Variants in NEB observed in about 807,000 individuals in gnomAD.
NEB encodes the protein nebulin, also known as nemaline myopathy type 2.
In NEB, 512 loss-of-function variants were observed where a neutral mutation model predicts 952.2. The observed-to-expected ratio is 0.54, with a 90% CI of 0.50 to 0.58. The LOEUF is 0.58. NEB is among the 20% of genes least tolerant of loss of function. NEB has a pLI of 0.00. For synonymous variants in NEB, 2,900 were observed against 3,149.8 expected (o/e 0.92, Z 2.66); for missense variants, 8,428 against 9,231.1 (o/e 0.91, Z 3.56).
rs760235100 is a variant in NEB, at chr2:151,518,441, A to C, written c.22696-19T>G. 6.8e-7 allele frequency: 1 copy of C among 1,463,924 alleles called. No homozygotes were observed. The highest frequency in any genetic ancestry group is 1.2e-5 in the South Asian group (1 of 86,678). 90.7% of individuals were successfully genotyped at this position (1,463,924 alleles called of 1,614,324 possible). On this transcript the variant is annotated intron_variant, in intron 155 of 181. Coordinates refer to ENST00000397345, the MANE Select transcript of NEB (RefSeq NM_001164508.2). ...ACTGGTACTGAGGGGAAGGCGGCAA[A>C]AAAGGCACATTGATGGAGAAGCTGC...
chr2:151,503,084 G>C (rs2065950248), intron 166 of NEB, 199 bp from the exon 167 acceptor site: 1 of 582,148 alleles, frequency 1.7e-6, no homozygotes. Flanking sequence ...AAAGTACAAT[G>C]GAAAGCATTA....
chr2:151,508,824 G>T (rs901271714), intron 161 of NEB, among the ~76,000 whole-genome samples: 10 of 152,244 alleles, frequency 6.6e-5, no homozygotes, highest in African/African-American at 1.9e-4. Context: ...TGGCTGGAGA[G>T]ACGTGTCCAT....
rs1213971667 is a variant in NEB, at chr2:151,565,538, A to G, written c.18329T>C (p.Ile6110Thr). ...GACAGAATTAATCTTGGCTAAAACA[A>G]TCTCTGGAGGATCCACCACACTTCT... The part of the protein sequence containing the change: ...NFRSVVDPPE[I>T]VLAKINSVNQ... The change falls in exon 116 of 182, where the codon ATT (isoleucine) becomes ACT (threonine). Residue 6110 changes from isoleucine (I) to threonine (T), a missense_variant. Transcript: ENST00000397345. 5.0e-6 allele frequency: 8 copies of G among 1,602,276 alleles called. No individual in the cohort carries two copies. The highest frequency in any genetic ancestry group is 2.2e-5 in the East Asian group (1 of 44,744).
At position 151,604,964 on chromosome 2, in the gene NEB, GC is replaced by G. The variant is rs2153941589; in HGVS notation, c.12748-94del. 2 of 525,886 alleles carry G rather than the reference GC, an allele frequency of 3.8e-6. 1 individual carries two copies. Among genetic ancestry groups the G allele is most frequent in the South Asian group, 4.4e-5 (2 of 45,194 alleles). The allele number at this position is 525,886 out of a possible 1,614,324, so 32.6% of individuals were successfully genotyped here. A position where few individuals can be genotyped will look rare whatever the true frequency, so the allele number is the denominator to read the frequency against. ...TAAATGGTTTCAGTATGTTTTCTTA[GC>G]CTTGGTATAAATTGGCTCAACATTG... is the stretch of plus-strand genomic sequence containing the variant. On this transcript the variant is annotated intron_variant, in intron 84 of 181. Coordinates refer to ENST00000397345, the MANE Select transcript of NEB (RefSeq NM_001164508.2).
At chr2:151,503,725 C>CT (rs1336415125) in intron 165 of NEB, among the ~76,000 whole-genome samples, 3 of 152,296 alleles carry the variant, frequency 2.0e-5, no homozygotes, top group African/African-American at 7.2e-5. Context: ...TGAGAAAAAT[C>CT]TAACCATTTT....
At position 151,630,597 on chromosome 2, in the gene NEB, G is replaced by A; in HGVS notation, c.9723+118C>T. On this transcript the variant is annotated intron_variant, in intron 67 of 181. Coordinates refer to ENST00000397345, the MANE Select transcript of NEB (RefSeq NM_001164508.2). ...TTAACCCAGAGATGAAAGGTTGGAT[G>A]AGTGGAGTGTTAAATGAAAGAGCCA... 6 of 724,634 alleles carry A rather than the reference G, an allele frequency of 8.3e-6. 1 individual carries two copies. The Middle Eastern group carries it at 1.2e-3, about 143-fold the overall frequency. The allele number at this position is 724,634 out of a possible 1,614,324, so 44.9% of individuals were successfully genotyped here.
intron 116 of NEB, 135 bp from the exon 117 acceptor site, chr2:151,565,283 A>C (rs903203560): frequency 6.0e-6 from 4 of 664,614 alleles, no homozygotes; most frequent in African/African-American, 3.6e-5. Flanking sequence ...ATTTTAGCTA[A>C]AACAATAGAA....
chr2:151,518,834 A>G (rs936471710), intron 155 of NEB, 131 bp downstream of exon 155: 1 of 636,340 alleles, frequency 1.6e-6, no homozygotes, highest in Non-Finnish European at 2.8e-6. Flanking sequence ...GGAAGAATAC[A>G]CTCAAATGAG....
rs1271386679 is a variant in NEB at position 151,592,155 on chromosome 2, A to G, written c.14722-17T>C. ...ATACAATGGCTGGGAAAAATGAAAAACGATGGAATGGTCAATTAGTAAATA... is the reference window on the plus strand; with the variant it reads ...ATACAATGGCTGGGAAAAATGAAAAGCGATGGAATGGTCAATTAGTAAATA... On this transcript the variant is annotated splice_polypyrimidine_tract_variant and intron_variant, in intron 94 of 181. Coordinates refer to ENST00000397345, the MANE Select transcript of NEB (RefSeq NM_001164508.2). 4 of 1,549,504 alleles carry G rather than the reference A, an allele frequency of 2.6e-6. No homozygotes were observed. Among genetic ancestry groups the G allele is most frequent in the Non-Finnish European group, 3.5e-6 (4 of 1,146,720 alleles).
intron 107 of NEB, among the ~76,000 whole-genome samples, chr2:151,571,514 T>C (rs1006162102): frequency 1.3e-5 from 2 of 152,252 alleles, no homozygotes; most frequent in African/African-American, 4.8e-5. Context: ...ACCTTCAGAA[T>C]TGTAAACTTG....
At position 151,618,298 on chromosome 2, in the gene NEB, T is replaced by A. The variant is rs1172557507; in HGVS notation, c.11053A>T (p.Asn3685Tyr). 1.2e-6 allele frequency: 2 copies of A among 1,613,976 alleles called. No homozygotes were observed. ...ACCTTATTCATGTTTAAAGCATTGT[T>A]TTTTGCCAGCACCTGCTCCGGAGTG... The part of the protein sequence containing the change: ...TDTPEQVLAK[N>Y]NALNMNKRLY... Residue 3685 changes from asparagine to tyrosine, a missense_variant, in exon 74 of 182, where the codon AAC becomes TAC. Asn to Tyr is a moderately radical substitution (Grantham distance 143). Around this residue, in one of 11 missense-constraint regions of NEB, gnomAD observed 1,772 missense variants for 1,960.3 expected, o/e 0.90. Transcript: ENST00000397345.
At chr2:151,493,230 T>C in intron 176 of NEB, 123 bp downstream of exon 176, 1 of 752,838 alleles carries the variant, frequency 1.3e-6, no homozygotes, top group Non-Finnish European at 2.2e-6. Context: ...TTCCAAGATG[T>C]TGCATTTTTC....
At chr2:151,646,377 G>T (rs1382357824) in intron 54 of NEB, 143 bp from the exon 55 acceptor site, 3 of 670,584 alleles carry the variant, frequency 4.5e-6, no homozygotes, top group Non-Finnish European at 7.7e-6. Flanking sequence ...GCAGAAAATA[G>T]ATGCAATATT....
intron 45 of NEB, 46 bp from the exon 46 acceptor site, chr2:151,662,387 C>G (rs1392013930): frequency 1.4e-6 from 2 of 1,459,300 alleles, no homozygotes; most frequent in South Asian, 1.5e-5. Flanking sequence ...CTGGAACTTC[C>G]CAAGAATCCT....
intron 13 of NEB, among the ~76,000 whole-genome samples, chr2:151,699,023 CCA>C (rs774143261): frequency 0.011 from 1,487 of 133,742 alleles, 13 homozygotes; most frequent in Middle Eastern, 0.022. Context: ...TCCCCCCTCC[CCA>C]CCACAGTCCC....
At chr2:151,722,107 T>A (rs2099775741) in intron 9 of NEB, among the ~76,000 whole-genome samples, 1 of 152,164 alleles carries the variant, frequency 6.6e-6, no homozygotes, top group Non-Finnish European at 1.5e-5. Flanking sequence ...TAGAAGTAAA[T>A]CCCAATCAGT....
At chr2:151,697,040 G>T in intron 16 of NEB, 108 bp downstream of exon 16, 1 of 794,658 alleles carries the variant, frequency 1.3e-6, no homozygotes, top group African/African-American at 1.7e-5. Context: ...CATTTCTTGC[G>T]ATTGCCTGGC....
In NEB at chr2:151,733,162, C is replaced by T; in HGVS notation, c.-6G>A. 6.2e-7 allele frequency: 1 copy of T among 1,603,910 alleles called. No homozygotes were observed. The highest frequency in any genetic ancestry group is 8.5e-7 in the Non-Finnish European group (1 of 1,175,590). ...TAGTCTTCGTCATCTGCCATTTTTC[C>T]AGAGTAGTAGTGGCACCTACAAACT... On this transcript the variant is annotated 5_prime_UTR_variant, in exon 3 of 182. Coordinates refer to ENST00000397345, the MANE Select transcript of NEB (RefSeq NM_001164508.2).
Position 151,631,081 on chromosome 2 carries a change from G to A in NEB, c.9618+62C>T, listed in dbSNP as rs2098658246. 8 of 1,588,718 alleles carry A rather than the reference G, an allele frequency of 5.0e-6. No individual in the cohort carries two copies. In the South Asian group the frequency reaches 6.7e-5, roughly 13 times the overall value. On this transcript the variant is annotated intron_variant, in intron 66 of 181. Coordinates refer to ENST00000397345, the MANE Select transcript of NEB (RefSeq NM_001164508.2). ...TTCATAGATAATTTAGACTCCATTA[G>A]TCATTAAAGTATAATAACATCTTCT...
Sources: gnomAD v4.1 joint callset for allele counts (sites outside exome capture counted in the v4.1 genomes callset) on GRCh38, gnomAD v4.1.1 for gene constraint, gnomAD v4.1.1 regional missense constraint, MANE v1.5 for transcripts, NCBI Gene and HGNC (gene_info 2026-07-23, HGNC 2026-07-21) for gene names.